FAM167A: variants seen among roughly 807,000 people sequenced by gnomAD.
FAM167A encodes family with sequence similarity 167 member A, also known as protein FAM167A.
FAM167A carries 23 observed loss-of-function variants against 14.9 expected under a neutral mutation model. The ratio of observed to expected loss-of-function variants is 1.55; its 90% CI spans 1.11 to 2.19. FAM167A has a LOEUF of 2.19. Ranked by LOEUF, FAM167A falls within the 30% of genes most tolerant of loss-of-function variation. The pLI, the probability that FAM167A is intolerant of heterozygous loss-of-function variation, is 0.00. For missense variants in FAM167A, 401 were observed against 281.5 expected (o/e 1.42, Z -3.04); for synonymous variants, 174 against 117.7 (o/e 1.48, Z -3.10).
chr8:11,439,879 G>A (rs928888258), intron 2 of FAM167A, among the ~76,000 whole-genome samples: 2 of 152,258 alleles, frequency 1.3e-5, no homozygotes, highest in Admixed American at 6.5e-5. Flanking sequence ...TGTGCTGAGT[G>A]CCCAGGGCCC....
chr8:11,426,294 A>AC (rs1805140288), intron 2 of FAM167A, among the ~76,000 whole-genome samples: 2 of 152,134 alleles, frequency 1.3e-5, no homozygotes, highest in African/African-American at 4.8e-5. Flanking sequence ...CTTTGCTTGT[A>AC]ACTCCTGTCT....
At chr8:11,457,465 C>T (rs1585276432) in intron 1 of FAM167A, among the ~76,000 whole-genome samples, 2 of 152,000 alleles carry the variant, frequency 1.3e-5, no homozygotes, top group Middle Eastern at 3.2e-3. Flanking sequence ...GCCCAGCGCT[C>T]GCCTTCCTGG....
At position 11,444,244 on chromosome 8, in the gene FAM167A, A is replaced by C. The variant is rs3021513; in HGVS notation, c.168T>G (p.His56Gln). The C allele has an allele frequency of 0.99, 1,599,751 of 1,611,596 alleles. 794,017 individuals are homozygous for C. The highest frequency in any genetic ancestry group is 1 in the East Asian group (44,836 of 44,836). The change falls in exon 2 of 3, where the codon CAT becomes CAG. Residue 56 changes from histidine to glutamine, a missense_variant. Physicochemically the swap from His to Gln is conservative, Grantham distance 24 (BLOSUM62 0). Transcript: ENST00000284486. ...YLEWQARLEEHTWPFPRPAAE... is the reference protein window; with the variant it reads ...YLEWQARLEEQTWPFPRPAAE... ...CAGCCGGCCTCGGGAAGGGCCAGGT[A>C]TGCTCCTCCAGCCTGGCCTGCCATT...
intron 1 of FAM167A, among the ~76,000 whole-genome samples, chr8:11,464,041 G>C (rs539230284): frequency 6.6e-6 from 1 of 152,182 alleles, no homozygotes; most frequent in Non-Finnish European, 1.5e-5. Flanking sequence ...TGCCCACAGG[G>C]AGACTGGGCT....
chr8:11,444,865 G>A (rs546508188), intron 1 of FAM167A, 57 bp from the exon 2 acceptor site: 88 of 987,096 alleles, frequency 8.9e-5, no homozygotes, highest in South Asian at 1.9e-4. Flanking sequence ...ACTCAGAGGC[G>A]GGCACGTCCA....
intron 2 of FAM167A, among the ~76,000 whole-genome samples, chr8:11,429,396 C>G (rs564865857): frequency 8.5e-5 from 13 of 152,328 alleles, no homozygotes; most frequent in African/African-American, 3.1e-4. Context: ...TGCGCCAGTT[C>G]AGGAGAGCAG....
In FAM167A at chr8:11,473,852, T is replaced by C. The variant is rs553456871; in HGVS notation, c.-398+2014A>G. 1.2e-4 allele frequency among the ~76,000 whole-genome samples: 18 copies of C among 152,176 alleles called. No homozygotes were observed. The South Asian group carries it at 3.7e-3, about 32-fold the overall frequency. ...GGGAATGGTGGTTTTTTTGTTTGTT[T>C]CTTTTTCTTTTTCTTTTCTTTCTTT... On this transcript the variant is annotated intron_variant, in intron 1 of 1. Transcript: ENST00000648766.
chr8:11,444,652 G>A lies in FAM167A; in HGVS notation c.-241C>T, dbSNP rs1806673574. On this transcript the variant is annotated 5_prime_UTR_variant, in exon 2 of 3. Transcript: ENST00000284486. The stretch of plus-strand genomic sequence containing the variant: ...TATGATCCGTCCTGGAAGCCTGTGG[G>A]TGCCATGCTCCACAGAAGGCAGGAA... 3 of 1,298,562 alleles carry A rather than the reference G, an allele frequency of 2.3e-6. No individual in the cohort carries two copies. The highest frequency in any genetic ancestry group is 2.5e-5 in the South Asian group (1 of 40,220). 80.4% of individuals were successfully genotyped at this position (1,298,562 alleles called of 1,614,324 possible). A position where few individuals can be genotyped will look rare whatever the true frequency, so the allele number is the denominator to read the frequency against.
Position 11,423,072 on chromosome 8 carries a change from G to A in FAM167A, c.*1301C>T, listed in dbSNP as rs1384625176. The stretch of plus-strand genomic sequence containing the variant: ...AATATTCTATAGCCTAAACAGCTGT[G>A]CAACCTGAGGGAAGTCCTTCTCCTC... On this transcript the variant is annotated 3_prime_UTR_variant, in exon 3 of 3. Coordinates refer to ENST00000284486, the MANE Select transcript of FAM167A (RefSeq NM_053279.3). 1 of 152,590 alleles carries A rather than the reference G, an allele frequency of 6.6e-6. No individual in the cohort carries two copies. The highest frequency in any genetic ancestry group is 1.5e-5 in the Non-Finnish European group (1 of 68,042). The allele number at this position is 152,590 out of a possible 1,614,324, so 9.5% of individuals were successfully genotyped here.
upstream of FAM167A, among the ~76,000 whole-genome samples, chr8:11,471,283 C>T (rs1190140570): frequency 1.3e-5 from 2 of 152,166 alleles, no homozygotes; most frequent in African/African-American, 4.8e-5. Flanking sequence ...GAGTGGCGGG[C>T]ACAAGGGCAC....
chr8:11,426,423 A>AGCCAGT (rs1805152936), intron 2 of FAM167A, among the ~76,000 whole-genome samples: 12 of 152,328 alleles, frequency 7.9e-5, no homozygotes, highest in Admixed American at 7.8e-4. Context: ...AACCTCTTTA[A>AGCCAGT]GTATTTTACA....
intron 1 of FAM167A, among the ~76,000 whole-genome samples, chr8:11,454,898 C>T (rs938617373): frequency 1.3e-5 from 2 of 152,278 alleles, no homozygotes; most frequent in South Asian, 4.1e-4. Context: ...GAGCTGCTGC[C>T]GGGAGCCAGG....
chr8:11,438,164 T>G, intron 2 of FAM167A: 1 of 454,356 alleles, frequency 2.2e-6, no homozygotes. Flanking sequence ...TGAAAAGACT[T>G]CCGCCTGCCT....
chr8:11,446,833 C>T (rs1233259649), intron 1 of FAM167A, among the ~76,000 whole-genome samples: 1 of 152,246 alleles, frequency 6.6e-6, no homozygotes, highest in Non-Finnish European at 1.5e-5. Flanking sequence ...CGCCGTCTGC[C>T]TCTTTGCTGA....
chr8:11,424,154 T>C lies in FAM167A; in HGVS notation c.*219A>G. On this transcript the variant is annotated 3_prime_UTR_variant, in exon 3 of 3. Transcript: ENST00000284486. ...GGAGCGGCCCTTCTGCAGAGCTCTTTGGGTAGTAAGCAAGAGCCAGTCACA... is the reference window on the plus strand; with the variant it reads ...GGAGCGGCCCTTCTGCAGAGCTCTTCGGGTAGTAAGCAAGAGCCAGTCACA... 3 of 585,130 alleles carry C rather than the reference T, an allele frequency of 5.1e-6. No individual in the cohort carries two copies. The highest frequency in any genetic ancestry group is 4.3e-5 in the South Asian group (2 of 47,030). The allele number at this position is 585,130 out of a possible 1,614,324, so 36.2% of individuals were successfully genotyped here. A position where few individuals can be genotyped will look rare whatever the true frequency, so the allele number is the denominator to read the frequency against.
intron 1 of FAM167A, among the ~76,000 whole-genome samples, chr8:11,447,189 C>CTTTTT (rs777048119): frequency 2.0e-5 from 3 of 147,856 alleles, no homozygotes; most frequent in Admixed American, 6.7e-5. Flanking sequence ...TTTTCTTTTT[C>CTTTTT]TTTTTTTTGA....
At chr8:11,460,602 T>C (rs970941295) in intron 1 of FAM167A, among the ~76,000 whole-genome samples, 1 of 152,270 alleles carries the variant, frequency 6.6e-6, no homozygotes, top group African/African-American at 2.4e-5. Flanking sequence ...TTTCCACACC[T>C]GGTGCAACAA....
In FAM167A at chr8:11,424,184, C is replaced by T. The variant is rs1312301149; in HGVS notation, c.*189G>A. 1.5e-6 allele frequency: 1 copy of T among 653,374 alleles called. No individual in the cohort carries two copies. Among genetic ancestry groups the T allele is most frequent in the East Asian group, 2.8e-5 (1 of 35,920 alleles). 40.5% of individuals were successfully genotyped at this position (653,374 alleles called of 1,614,324 possible). On this transcript the variant is annotated 3_prime_UTR_variant, in exon 3 of 3. Coordinates refer to ENST00000284486, the MANE Select transcript of FAM167A (RefSeq NM_053279.3). ...AGTAAGCAAGAGCCAGTCACAGAGACACTGGCATCCACACCCAGGGCCCCT... is the reference window on the plus strand; with the variant it reads ...AGTAAGCAAGAGCCAGTCACAGAGATACTGGCATCCACACCCAGGGCCCCT...
chr8:11,425,862 T>C (rs1805104147), intron 2 of FAM167A, among the ~76,000 whole-genome samples: 1 of 152,190 alleles, frequency 6.6e-6, no homozygotes, highest in African/African-American at 2.4e-5. Flanking sequence ...TTTGACATAT[T>C]TTGAAATGGC....
Sources: allele counts gnomAD v4.1 joint callset (sites outside exome capture counted in the v4.1 genomes callset), GRCh38; gene constraint gnomAD v4.1.1; transcripts MANE v1.5; gene names NCBI Gene and HGNC (gene_info 2026-07-23, HGNC 2026-07-21).